Variants in RFC1 observed in about 807,000 individuals in gnomAD.
RFC1 encodes the protein replication factor C subunit 1.
RFC1 carries 37 observed loss-of-function variants against 137.4 expected under a neutral mutation model. The ratio of observed to expected loss-of-function variants is 0.27; its 90% CI spans 0.21 to 0.35. The LOEUF is 0.35. RFC1 is among the 10% of genes least tolerant of loss of function. The pLI is 1.00. For missense variants in RFC1, 1,205 were observed against 1,358.5 expected, an observed-to-expected ratio of 0.89 and a Z score of 1.78; for synonymous variants, 429 against 455.7, an observed-to-expected ratio of 0.94 and a Z score of 0.75.
chr4:39,329,557 C>T (rs1049193921), intron 4 of RFC1, among the ~76,000 whole-genome samples: 3 of 150,608 alleles, frequency 2.0e-5, no homozygotes, highest in East Asian at 1.9e-4. Context: ...GAGCAAGACT[C>T]TGTCTCAAAA....
At chr4:39,341,068 A>G (rs537336355) in intron 4 of RFC1, among the ~76,000 whole-genome samples, 14 of 152,362 alleles carry the variant, frequency 9.2e-5, no homozygotes, top group African/African-American at 3.1e-4. Context: ...CTTGTCTGAA[A>G]TAACTAGTCC....
chr4:39,329,936 G>A (rs1740009747), intron 4 of RFC1, among the ~76,000 whole-genome samples: 1 of 152,066 alleles, frequency 6.6e-6, no homozygotes, highest in African/African-American at 2.4e-5. Flanking sequence ...TTGGGCAGCT[G>A]AGGCAGGAGA....
Position 39,317,009 on chromosome 4 carries a change from T to C in RFC1, c.1109A>G (p.Glu370Gly). The C allele has an allele frequency of 1.2e-6, 2 of 1,613,086 alleles. No individual in the cohort carries two copies. Among genetic ancestry groups the C allele is most frequent in the Non-Finnish European group, 1.7e-6 (2 of 1,179,116 alleles). ...ATTAGTGCGTTTCTTTTCAGAATCTTCAGGACTTACAGACTTTGGGAACAG... is the reference window on the plus strand; with the variant it reads ...ATTAGTGCGTTTCTTTTCAGAATCTCCAGGACTTACAGACTTTGGGAACAG... ...SPAKKESVSPEDSEKKRTNYQ... is the reference protein window; with the variant it reads ...SPAKKESVSPGDSEKKRTNYQ... The change falls in exon 10 of 25, where the codon GAA (glutamate) becomes GGA (glycine). Residue 370 changes from glutamate to glycine, a missense_variant. Glu to Gly is a moderately conservative substitution (Grantham distance 98). Transcript: ENST00000349703.
chr4:39,339,246 C>T (rs1177614451), intron 4 of RFC1, among the ~76,000 whole-genome samples: 1 of 152,024 alleles, frequency 6.6e-6, no homozygotes, highest in East Asian at 1.9e-4. Context: ...ATTTCATTTC[C>T]TTTAGGTATA....
chr4:39,294,200 C>T (rs1737849730), intron 22 of RFC1, among the ~76,000 whole-genome samples: 1 of 152,204 alleles, frequency 6.6e-6, no homozygotes, highest in African/African-American at 2.4e-5. Context: ...ACAAAAGACT[C>T]ATGCCATAGG....
chr4:39,366,204 G>GACCCCGAGCCGCACGGCC (rs1560631314), intron 1 of RFC1, 35 bp downstream of exon 1: 1 of 1,551,202 alleles, frequency 6.4e-7, no homozygotes, highest in Admixed American at 1.9e-5. Flanking sequence ...AGCCCCCCCA[G>GACCCCGAGCCGCACGGCC]ACCCCGAGCC....
intron 1 of RFC1, chr4:39,365,530 G>C: frequency 2.0e-6 from 2 of 981,134 alleles, no homozygotes; most frequent in Non-Finnish European, 2.4e-6. Flanking sequence ...ATTTTATCCA[G>C]AATTATGCAG....
chr4:39,289,697 T>A (rs756601973), intron 24 of RFC1, 151 bp downstream of exon 24: 7 of 597,950 alleles, frequency 1.2e-5, no homozygotes, highest in Non-Finnish European at 2.1e-5. Flanking sequence ...AAATGAAATC[T>A]CTACCTTCTC....
At chr4:39,309,830 G>C (rs1738879645) in intron 12 of RFC1, among the ~76,000 whole-genome samples, 1 of 152,170 alleles carries the variant, frequency 6.6e-6, no homozygotes, top group Admixed American at 6.5e-5. Flanking sequence ...TAATATCTCA[G>C]TTTTTAAAAA....
At position 39,312,850 on chromosome 4, in the gene RFC1, G is replaced by C. The variant is rs1453577637; in HGVS notation, c.1285C>G (p.Leu429Val). The change falls in exon 11 of 25, where the codon CTA becomes GTA. Residue 429 changes from leucine (L) to valine (V), a missense_variant. Physicochemically the swap from Leu to Val is conservative, Grantham distance 32. This residue lies in a region of RFC1 where 962 missense variants were observed against 1,035.3 expected (regional missense o/e 0.93). Coordinates refer to ENST00000349703, the MANE Select transcript of RFC1 (RefSeq NM_002913.5). ...ACTTTTCCCCCATAACGTTCAATTA[G>C]AGACTTGGCCTCATCTCGTTCAATA... ...ESIERDEAKS[L>V]IERYGGKVTG... 4 of 1,613,918 alleles carry C rather than the reference G, an allele frequency of 2.5e-6. No homozygotes were observed.
intron 23 of RFC1, 151 bp downstream of exon 23, chr4:39,291,488 A>G (rs1435669275): frequency 6.3e-6 from 4 of 630,016 alleles, no homozygotes; most frequent in African/African-American, 1.8e-5. Context: ...GCATTCAAAT[A>G]GTATCTTTGG....
chr4:39,292,262 C>T (rs1026667445), intron 22 of RFC1: 3 of 163,912 alleles, frequency 1.8e-5, no homozygotes, highest in Non-Finnish European at 4.0e-5. Flanking sequence ...ACCTTTTGGT[C>T]CCTGATTATA....
At chr4:39,290,062 GTT>G in intron 23 of RFC1, 23 bp from the exon 24 acceptor site, 1 of 1,554,386 alleles carries the variant, frequency 6.4e-7, no homozygotes. Flanking sequence ...AGTAGATGGA[GTT>G]TTTAAAAATC....
At chr4:39,312,989 A>G (rs1739046055) in intron 10 of RFC1, 58 bp from the exon 11 acceptor site, 2 of 1,416,230 alleles carry the variant, frequency 1.4e-6, no homozygotes, top group Non-Finnish European at 9.7e-7. Context: ...CCAAAGAAAC[A>G]TTTGGCATCA....
intron 21 of RFC1, among the ~76,000 whole-genome samples, chr4:39,298,992 C>A (rs927220364): frequency 7.9e-5 from 12 of 152,292 alleles, no homozygotes; most frequent in African/African-American, 2.6e-4. Context: ...AGCACTGTGA[C>A]ATGTTCATGA....
chr4:39,301,088 GAA>G (rs35681684), intron 19 of RFC1, among the ~76,000 whole-genome samples: 4 of 140,856 alleles, frequency 2.8e-5, no homozygotes, highest in East Asian at 2.0e-4. Context: ...GCAAGACTCC[GAA>G]AAAAAAAAAA....
intron 22 of RFC1, among the ~76,000 whole-genome samples, chr4:39,294,498 C>T (rs893501725): frequency 2.6e-5 from 4 of 151,340 alleles, no homozygotes; most frequent in South Asian, 2.1e-4. Flanking sequence ...ATGGTGAAAC[C>T]GTCTCTACTA....
intron 1 of RFC1, among the ~76,000 whole-genome samples, chr4:39,358,586 G>C (rs1051790419): frequency 6.6e-6 from 1 of 152,184 alleles, no homozygotes; most frequent in East Asian, 1.9e-4. Context: ...TGCTAGTGAA[G>C]GAAGTTGTCA....
intron 1 of RFC1, among the ~76,000 whole-genome samples, chr4:39,362,024 G>A (rs926475856): frequency 1.3e-5 from 2 of 152,020 alleles, no homozygotes; most frequent in Non-Finnish European, 1.5e-5. Context: ...GGGCAACAGA[G>A]CGAGACTGTC....
Sources: gnomAD v4.1 joint callset for allele counts (sites outside exome capture counted in the v4.1 genomes callset) on GRCh38, gnomAD v4.1.1 for gene constraint, gnomAD v4.1.1 regional missense constraint, MANE v1.5 for transcripts, NCBI Gene and HGNC (gene_info 2026-07-23, HGNC 2026-07-21) for gene names.